Variants in CACNA1C observed in about 807,000 individuals in gnomAD.
CACNA1C encodes the protein voltage-dependent L-type calcium channel subunit alpha-1C.
In CACNA1C, 30 loss-of-function variants were observed where a neutral mutation model predicts 229.0. The observed-to-expected ratio is 0.13, with a 90% CI of 0.10 to 0.18. CACNA1C has a LOEUF of 0.18. CACNA1C is among the 10% of genes least tolerant of loss of function. The pLI is 1.00. For missense variants in CACNA1C, 1,658 were observed against 2,845.0 expected, an observed-to-expected ratio of 0.58 and a Z score of 9.49; for synonymous variants, 1,114 against 1,132.5, an observed-to-expected ratio of 0.98 and a Z score of 0.33.
At chr12:2,197,724 G>C (rs774321736) in intron 3 of CACNA1C, among the ~76,000 whole-genome samples, 2 of 152,180 alleles carry the variant, frequency 1.3e-5, no homozygotes, top group Non-Finnish European at 2.9e-5. Context: ...GTCAATGATT[G>C]AATAGAACCA....
intron 5 of CACNA1C, among the ~76,000 whole-genome samples, chr12:2,483,240 T>C (rs1430398933): frequency 6.6e-6 from 1 of 152,236 alleles, no homozygotes; most frequent in Admixed American, 6.5e-5. Context: ...GGGAGTCATT[T>C]GAGACCAAAC....
At chr12:2,340,731 G>A (rs2096837136) in intron 3 of CACNA1C, among the ~76,000 whole-genome samples, 1 of 152,232 alleles carries the variant, frequency 6.6e-6, no homozygotes, top group Non-Finnish European at 1.5e-5. Flanking sequence ...GCCGAGGCTG[G>A]CAGATCACGA....
At position 2,677,661 on chromosome 12, in the gene CACNA1C, C is replaced by G. The variant is rs111770231; in HGVS notation, c.4957-72C>G. Reference sequence around the variant, plus strand: ...GGCCCTGGAGGGACAGGTCTTGGCCCGAGGCTGTGGCTGGCTGGGGAGCTT... The same window carrying G: ...GGCCCTGGAGGGACAGGTCTTGGCCGGAGGCTGTGGCTGGCTGGGGAGCTT... On this transcript the variant is annotated intron_variant, in intron 40 of 46. Transcript: ENST00000399655. This position sits in a 1 kb window ranked among gnomAD's most constrained non-coding sequence, Gnocchi z 7.4. The G allele has an allele frequency of 1.3e-6, 2 of 1,542,394 alleles. No individual in the cohort carries two copies. The highest frequency in any genetic ancestry group is 1.8e-6 in the Non-Finnish European group (2 of 1,137,052).
chr12:2,606,870 C>T lies in CACNA1C; in HGVS notation c.3210-114C>T, dbSNP rs143162959. ...ACTGAAGCTCCTCCCATGGCTAGAACGGTGAAGTTCAAGCCAGGCAGTCCC... is the reference window on the plus strand; with the variant it reads ...ACTGAAGCTCCTCCCATGGCTAGAATGGTGAAGTTCAAGCCAGGCAGTCCC... On this transcript the variant is annotated intron_variant, in intron 25 of 46. Transcript: ENST00000399655. The T allele has an allele frequency of 2.9e-4, 363 of 1,257,692 alleles. 1 individual carries two copies. In the African/African-American group the frequency reaches 4.5e-3, roughly 16 times the overall value. 77.9% of individuals were successfully genotyped at this position (1,257,692 alleles called of 1,614,324 possible).
At chr12:2,519,999 T>G (rs1207762119) in intron 9 of CACNA1C, among the ~76,000 whole-genome samples, 1 of 152,282 alleles carries the variant, frequency 6.6e-6, no homozygotes, top group African/African-American at 2.4e-5. Context: ...TCAGCCTGTT[T>G]CAGTGAGCTG....
chr12:2,289,872 G>A (rs907344043), intron 3 of CACNA1C, among the ~76,000 whole-genome samples: 3 of 152,222 alleles, frequency 2.0e-5, no homozygotes, highest in Non-Finnish European at 2.9e-5. Context: ...GAGGAAATTC[G>A]CGTCAAGTCA....
chr12:2,478,815 C>A (rs1374919059), intron 5 of CACNA1C, among the ~76,000 whole-genome samples: 2 of 152,172 alleles, frequency 1.3e-5, no homozygotes, highest in Non-Finnish European at 2.9e-5. Context: ...CTCCCACCTC[C>A]CATGGCAATC....
At chr12:2,101,734 G>T (rs1405741044) in intron 1 of CACNA1C, among the ~76,000 whole-genome samples, 2 of 152,066 alleles carry the variant, frequency 1.3e-5, no homozygotes, top group African/African-American at 2.4e-5. Context: ...GGTGAGTGAG[G>T]ATTAGCTGAG....
At chr12:1,988,980 C>T (rs2038616238) in intron 1 of CACNA1C, among the ~76,000 whole-genome samples, 1 of 152,178 alleles carries the variant, frequency 6.6e-6, no homozygotes, top group African/African-American at 2.4e-5. Context: ...CTGATTTGAT[C>T]TAAACTTCAG....
chr12:2,084,767 G>A (rs190699320), intron 1 of CACNA1C, among the ~76,000 whole-genome samples: 287 of 152,290 alleles, frequency 1.9e-3, no homozygotes, highest in African/African-American at 5.2e-3. Context: ...ATATTGAGTC[G>A]TAGCCTACTA....
At chr12:2,044,647 G>T (rs2050762362) in intron 1 of CACNA1C, among the ~76,000 whole-genome samples, 1 of 152,178 alleles carries the variant, frequency 6.6e-6, no homozygotes. Context: ...TGGGACCGCT[G>T]CAGGTTGACC....
chr12:2,627,565 C>T (rs2087557554), intron 29 of CACNA1C, among the ~76,000 whole-genome samples: 2 of 152,134 alleles, frequency 1.3e-5, no homozygotes, highest in African/African-American at 4.8e-5. Context: ...GCCACCTCTG[C>T]CCAGCGCCCT....
intron 9 of CACNA1C, among the ~76,000 whole-genome samples, chr12:2,518,995 A>T (rs534461493): frequency 1.3e-5 from 2 of 152,358 alleles, no homozygotes; most frequent in South Asian, 4.1e-4. Context: ...TACTGAAGTC[A>T]GCACTCAAAC....
At chr12:2,197,242 G>C (rs1427875095) in intron 3 of CACNA1C, among the ~76,000 whole-genome samples, 2 of 152,156 alleles carry the variant, frequency 1.3e-5, no homozygotes, top group African/African-American at 4.8e-5. Context: ...CACTCTCTCT[G>C]CTGCTTTTCC....
At chr12:2,317,220 G>A (rs1355513621) in intron 3 of CACNA1C, among the ~76,000 whole-genome samples, 2 of 152,180 alleles carry the variant, frequency 1.3e-5, no homozygotes, top group Non-Finnish European at 2.9e-5. Context: ...CCATGTTCGT[G>A]GTAGCATCAC....
Position 2,090,332 on chromosome 12 carries a change from T to G in CACNA1C, c.50-24892T>G, listed in dbSNP as rs921730004. Among the ~76,000 whole-genome samples, 61 of 145,238 alleles carry G rather than the reference T, an allele frequency of 4.2e-4. 1 individual carries two copies. The highest frequency in any genetic ancestry group is 1.5e-3 in the African/African-American group (57 of 38,952). On this transcript the variant is annotated intron_variant, in intron 1 of 46. Transcript: ENST00000399655. Reference sequence around the variant, plus strand: ...CTACTTTTTTTTTTTTTTTTTTTTTTTTTGAGATGGAGTCTTGCTCTGTCA... The same window carrying G: ...CTACTTTTTTTTTTTTTTTTTTTTTGTTTGAGATGGAGTCTTGCTCTGTCA...
chr12:2,211,924 T>C (rs935866363), intron 3 of CACNA1C, among the ~76,000 whole-genome samples: 1 of 151,982 alleles, frequency 6.6e-6, no homozygotes, highest in Admixed American at 6.6e-5. Flanking sequence ...TTTCACCATG[T>C]TGGCCAGGCT....
At chr12:2,267,779 G>C (rs975691161) in intron 3 of CACNA1C, among the ~76,000 whole-genome samples, 12 of 152,204 alleles carry the variant, frequency 7.9e-5, no homozygotes, top group African/African-American at 2.7e-4. Context: ...TCTGCGGAGG[G>C]CAGCGAGGAA....
intron 3 of CACNA1C, among the ~76,000 whole-genome samples, chr12:2,260,969 A>T (rs1053935671): frequency 6.6e-6 from 1 of 152,164 alleles, no homozygotes; most frequent in Non-Finnish European, 1.5e-5. Flanking sequence ...TGTGGCTCAC[A>T]CCTGTAATCC....
Sources: allele counts gnomAD v4.1 joint callset (sites outside exome capture counted in the v4.1 genomes callset), GRCh38; gene constraint gnomAD v4.1.1; non-coding constraint Gnocchi (gnomAD v3.1); transcripts MANE v1.5; gene names NCBI Gene and HGNC (gene_info 2026-07-23, HGNC 2026-07-21).